PDE12: variants seen among roughly 807,000 people sequenced by gnomAD.
PDE12 encodes the protein phosphodiesterase 12, also known as 2',5'-phosphodiesterase 12.
A neutral mutation model predicts 45.4 loss-of-function variants in PDE12; 26 were observed. The observed-to-expected ratio is 0.57, with a 90% CI of 0.42 to 0.79. The LOEUF is 0.79. Ranked by LOEUF, PDE12 falls within the 30% of genes least tolerant of loss-of-function variation. The probability of loss-of-function intolerance (pLI) is 0.00; values close to 1 mark genes in which losing one functional copy is unlikely to be tolerated. For missense variants in PDE12, 668 were observed against 790.0 expected (o/e 0.85, Z 1.85); for synonymous variants, 283 against 323.9 (o/e 0.87, Z 1.36).
At chr3:57,596,073 C>G in the PDE12 span, among the ~76,000 whole-genome samples, 1 of 152,162 alleles carries the variant, frequency 6.6e-6, no homozygotes. Flanking sequence ...GTCCATGGAG[C>G]TCAGCTGTGA....
downstream of PDE12, among the ~76,000 whole-genome samples, chr3:57,570,995 T>G (rs539402110): frequency 6.8e-6 from 1 of 147,466 alleles, no homozygotes; most frequent in Non-Finnish European, 1.5e-5. Context: ...GTTGTTGTTG[T>G]TTTGTTTTTA....
At position 57,557,098 on chromosome 3, in the gene PDE12, C is replaced by G; in HGVS notation, c.719C>G (p.Ala240Gly). 1 of 1,614,040 alleles carries G rather than the reference C, an allele frequency of 6.2e-7. No homozygotes were observed. The highest frequency in any genetic ancestry group is 8.5e-7 in the Non-Finnish European group (1 of 1,180,018). The change falls in exon 1 of 3, where the codon GCC (alanine) becomes GGC (glycine). Residue 240 changes from alanine (A) to glycine (G), a missense_variant. Physicochemically the swap from Ala to Gly is moderately conservative, Grantham distance 60. Coordinates refer to ENST00000311180, the MANE Select transcript of PDE12 (RefSeq NM_177966.7). The part of the protein sequence containing the change: ...VEERVYTPSN[A>G]DIGLRLKLHC... ...GAGCGTGTCTACACCCCGTCCAATGCCGACATCGGGCTAAGGCTCAAGCTT... is the reference window on the plus strand; with the variant it reads ...GAGCGTGTCTACACCCCGTCCAATGGCGACATCGGGCTAAGGCTCAAGCTT...
chr3:57,638,495 T>C, the PDE12 span, among the ~76,000 whole-genome samples: 1 of 150,988 alleles, frequency 6.6e-6, no homozygotes, highest in Admixed American at 6.6e-5. Context: ...CTGTCTCTAC[T>C]AAAAATACAA....
chr3:57,582,810 C>T, the PDE12 span, among the ~76,000 whole-genome samples: 473 of 152,222 alleles, frequency 3.1e-3, 2 homozygotes, highest in African/African-American at 0.011. Context: ...AAAACACAAT[C>T]GAGGTGGGAC....
At chr3:57,581,775 G>A in the PDE12 span, among the ~76,000 whole-genome samples, 2 of 152,120 alleles carry the variant, frequency 1.3e-5, no homozygotes, top group African/African-American at 4.8e-5. Flanking sequence ...CTGGGTGACA[G>A]GACGAGAACT....
rs2069741010 is a variant in PDE12, at chr3:57,562,833, T to C, written c.*2829T>C. On this transcript the variant is annotated 3_prime_UTR_variant, in exon 3 of 3. Transcript: ENST00000311180. The stretch of plus-strand genomic sequence containing the variant: ...AATGTATGTTCTTTTTGAAATTCTG[T>C]ATGCTAAAATCAGTTGTTTCAAAAT... 6.6e-6 allele frequency: 1 copy of C among 152,232 alleles called. No homozygotes were observed. Among genetic ancestry groups the C allele is most frequent in the East Asian group, 1.9e-4 (1 of 5,204 alleles). 9.4% of individuals were successfully genotyped at this position (152,232 alleles called of 1,614,324 possible).
Position 57,557,403 on chromosome 3 carries a change from T to C in PDE12, c.1024T>C (p.Tyr342His). 2 of 1,614,026 alleles carry C rather than the reference T, an allele frequency of 1.2e-6. No homozygotes were observed. Among genetic ancestry groups the C allele is most frequent in the Non-Finnish European group, 1.7e-6 (2 of 1,180,028 alleles). Residue 342 changes from tyrosine (Y) to histidine (H), a missense_variant, in exon 1 of 3, where the codon TAC becomes CAC. Around this residue, in one of 3 missense-constraint regions of PDE12, gnomAD observed 580 missense variants for 662.9 expected, o/e 0.87. Transcript: ENST00000311180. ...QNLIQKELTG[Y>H]NADVICLQEV... ...CCTTATCCAGAAGGAACTCACCGGC[T>C]ACAACGCCGATGTCATCTGTTTGCA...
At chr3:57,587,509 T>C in the PDE12 span, among the ~76,000 whole-genome samples, 7 of 151,952 alleles carry the variant, frequency 4.6e-5, no homozygotes, top group Admixed American at 3.3e-4. Context: ...TCCTTGCTCC[T>C]CTACTGATAG....
the PDE12 span, chr3:57,630,409 C>T: frequency 2.5e-6 from 4 of 1,570,232 alleles, no homozygotes; most frequent in Admixed American, 2.2e-5. Flanking sequence ...CACAAACACA[C>T]AGTTTTCGAA....
At chr3:57,557,872 C>G (rs2069684013) in intron 1 of PDE12, among the ~76,000 whole-genome samples, 185 bp downstream of exon 1, 1 of 152,178 alleles carries the variant, frequency 6.6e-6, no homozygotes, top group African/African-American at 2.4e-5. Flanking sequence ...TTGAACACCT[C>G]TGGTGTGCCT....
intron 1 of PDE12, among the ~76,000 whole-genome samples, chr3:57,558,101 G>T (rs1478112947): frequency 2.0e-5 from 3 of 152,008 alleles, no homozygotes; most frequent in Non-Finnish European, 4.4e-5. Flanking sequence ...TAAATCATAG[G>T]CTCATTGAAT....
the PDE12 span, among the ~76,000 whole-genome samples, chr3:57,604,951 C>T: frequency 6.6e-6 from 1 of 152,016 alleles, no homozygotes; most frequent in Non-Finnish European, 1.5e-5. Flanking sequence ...AACTAAATTG[C>T]TGGGACTCTC....
chr3:57,584,666 G>A, the PDE12 span, among the ~76,000 whole-genome samples: 2 of 152,214 alleles, frequency 1.3e-5, no homozygotes, highest in African/African-American at 4.8e-5. Context: ...TCTAGACCAA[G>A]AGAGACAGCA....
the PDE12 span, among the ~76,000 whole-genome samples, chr3:57,616,911 C>T: frequency 6.6e-6 from 1 of 151,892 alleles, no homozygotes; most frequent in South Asian, 2.1e-4. Flanking sequence ...GTAGTCCCAG[C>T]TACTCAAGAG....
the PDE12 span, among the ~76,000 whole-genome samples, chr3:57,587,738 G>C: frequency 6.6e-6 from 1 of 151,898 alleles, no homozygotes; most frequent in African/African-American, 2.4e-5. Context: ...CCATTTCTAG[G>C]TCACCCCAGA....
At chr3:57,621,967 A>G in the PDE12 span, among the ~76,000 whole-genome samples, 1 of 152,016 alleles carries the variant, frequency 6.6e-6, no homozygotes, top group African/African-American at 2.4e-5. Flanking sequence ...CTTAAGGTCA[A>G]GAGTCCAAGA....
chr3:57,605,192 A>G, the PDE12 span, among the ~76,000 whole-genome samples: 1 of 152,170 alleles, frequency 6.6e-6, no homozygotes, highest in Non-Finnish European at 1.5e-5. Context: ...GGAACAGAGT[A>G]AGCCTGGTGG....
chr3:57,559,348 G>A lies in PDE12; in HGVS notation c.1347G>A (p.Arg449=), dbSNP rs1295870580. 6.2e-7 allele frequency: 1 copy of A among 1,613,098 alleles called. No individual in the cohort carries two copies. Among genetic ancestry groups the A allele is most frequent in the African/African-American group, 1.3e-5 (1 of 74,878 alleles). The part of the protein sequence containing the change: ...VLQSTKDSSK[R]ICVANTHLYW... ...AGTCTACAAAGGACTCTTCTAAAAG[G>A]ATATGTGTTGCTAATACCCATCTTT... Residue 449 remains arginine, a synonymous_variant, in exon 2 of 3, where the codon AGG becomes AGA. Coordinates refer to ENST00000311180, the MANE Select transcript of PDE12 (RefSeq NM_177966.7).
chr3:57,570,536 A>C (rs1400410952), downstream of PDE12, among the ~76,000 whole-genome samples: 1 of 152,016 alleles, frequency 6.6e-6, no homozygotes, highest in Admixed American at 6.6e-5. Context: ...TTATTTGACA[A>C]TTCAAAAATA....
Sources: allele counts gnomAD v4.1 joint callset (sites outside exome capture counted in the v4.1 genomes callset), GRCh38; gene constraint gnomAD v4.1.1; regional missense constraint gnomAD v4.1.1; transcripts MANE v1.5; gene names NCBI Gene and HGNC (gene_info 2026-07-23, HGNC 2026-07-21).